The following CCSER1 variants were observed in gnomAD, a reference collection of about 807,000 sequenced individuals.
CCSER1 encodes the protein coiled-coil serine rich protein 1.
In CCSER1, 41 loss-of-function variants were observed where a neutral mutation model predicts 82.0. The observed-to-expected ratio is 0.50, with a 90% CI of 0.39 to 0.65. CCSER1 has a LOEUF of 0.65. CCSER1 is among the 30% of genes least tolerant of loss of function. CCSER1 has a pLI of 0.00. For missense variants in CCSER1, 1,119 were observed against 1,064.2 expected (o/e 1.05, Z -0.72); for synonymous variants, 414 against 383.9 (o/e 1.08, Z -0.92).
intron 9 of CCSER1, among the ~76,000 whole-genome samples, chr4:91,033,536 A>G (rs1741168091): frequency 6.6e-6 from 1 of 152,116 alleles, no homozygotes; most frequent in South Asian, 2.1e-4. Context: ...AACTTCTTGG[A>G]AAGATGAAGA....
chr4:90,622,808 T>C (rs1196442988), intron 5 of CCSER1, among the ~76,000 whole-genome samples: 3 of 151,958 alleles, frequency 2.0e-5, no homozygotes, highest in Non-Finnish European at 4.4e-5. Flanking sequence ...GGTCAAATGG[T>C]ATTTCTAGTT....
intron 10 of CCSER1, among the ~76,000 whole-genome samples, chr4:91,527,423 C>G (rs921202988): frequency 6.6e-6 from 1 of 152,072 alleles, no homozygotes; most frequent in South Asian, 2.1e-4. Flanking sequence ...TTGGATGAAG[C>G]AATTTTGTTA....
intron 6 of CCSER1, among the ~76,000 whole-genome samples, chr4:90,715,994 C>T (rs1214536686): frequency 1.3e-5 from 2 of 151,320 alleles, no homozygotes; most frequent in Admixed American, 6.6e-5. Context: ...GATATACAGT[C>T]ATAACAAATA....
chr4:90,580,474 C>A (rs1253449404), intron 5 of CCSER1, among the ~76,000 whole-genome samples: 1 of 152,178 alleles, frequency 6.6e-6, no homozygotes, highest in Admixed American at 6.5e-5. Context: ...CTCCCCTACC[C>A]TCAAGAGCAA....
At chr4:91,555,547 A>G (rs1720570361) in intron 10 of CCSER1, among the ~76,000 whole-genome samples, 1 of 151,078 alleles carries the variant, frequency 6.6e-6, no homozygotes, top group East Asian at 1.9e-4. Context: ...CAGTGAGGAT[A>G]TATAATTTAT....
chr4:90,160,046 T>C (rs534728277), intron 1 of CCSER1, among the ~76,000 whole-genome samples: 75 of 152,218 alleles, frequency 4.9e-4, no homozygotes, highest in Non-Finnish European at 9.0e-4. Context: ...TTTTACAGAT[T>C]GGAAAATTTA....
intron 10 of CCSER1, among the ~76,000 whole-genome samples, chr4:91,553,897 CAT>C (rs1762286645): frequency 6.7e-6 from 1 of 150,294 alleles, no homozygotes; most frequent in African/African-American, 2.4e-5. Context: ...TCTTGTGTCT[CAT>C]ATATTCTCTA....
intron 5 of CCSER1, among the ~76,000 whole-genome samples, chr4:90,555,084 T>C (rs1777956022): frequency 6.6e-6 from 1 of 152,188 alleles, no homozygotes; most frequent in South Asian, 2.1e-4. Flanking sequence ...AATGCATTTT[T>C]TGCTCAAAAA....
chr4:91,411,226 C>A (rs746265897), intron 10 of CCSER1, among the ~76,000 whole-genome samples: 31 of 151,396 alleles, frequency 2.0e-4, no homozygotes, highest in Non-Finnish European at 4.4e-4. Context: ...TTATTAAGTC[C>A]TCAGTGTTAT....
chr4:91,181,677 G>GA (rs1212054331), intron 10 of CCSER1, among the ~76,000 whole-genome samples: 2 of 152,130 alleles, frequency 1.3e-5, no homozygotes, highest in Non-Finnish European at 2.9e-5. Flanking sequence ...CCCCTTAGGG[G>GA]ACCAATTAAT....
intron 1 of CCSER1, among the ~76,000 whole-genome samples, chr4:90,195,756 A>T (rs1024998277): frequency 6.6e-6 from 1 of 152,254 alleles, no homozygotes. Flanking sequence ...GTCAACAAAG[A>T]GATAATTCTC....
intron 1 of CCSER1, among the ~76,000 whole-genome samples, chr4:90,276,952 G>A (rs1429663660): frequency 2.0e-5 from 3 of 152,058 alleles, no homozygotes; most frequent in African/African-American, 7.2e-5. Flanking sequence ...CATTGGTTTT[G>A]CATCCTGAAA....
At chr4:90,254,949 A>G (rs560153974) in intron 1 of CCSER1, among the ~76,000 whole-genome samples, 1 of 151,348 alleles carries the variant, frequency 6.6e-6, no homozygotes, top group Non-Finnish European at 1.5e-5. Flanking sequence ...TTAAAAGTAT[A>G]TGTTGATATA....
intron 10 of CCSER1, among the ~76,000 whole-genome samples, chr4:91,111,804 G>A (rs868867507): frequency 6.9e-6 from 1 of 145,200 alleles, no homozygotes; most frequent in Non-Finnish European, 1.5e-5. Context: ...ACTGTATCAG[G>A]AGAAAGGAAA....
At chr4:91,476,848 G>T (rs1341341138) in intron 10 of CCSER1, among the ~76,000 whole-genome samples, 2 of 151,620 alleles carry the variant, frequency 1.3e-5, no homozygotes, top group Non-Finnish European at 3.0e-5. Flanking sequence ...ATGCTGGGAT[G>T]TCTGGATATT....
At chr4:90,923,566 A>G (rs1728684742) in intron 9 of CCSER1, 119 bp downstream of exon 9, 1 of 665,120 alleles carries the variant, frequency 1.5e-6, no homozygotes, top group African/African-American at 1.8e-5. Flanking sequence ...GCGGTGCACC[A>G]TTCATCTTTT....
chr4:90,866,883 A>G lies in CCSER1; in HGVS notation c.2094+51038A>G, dbSNP rs1765791725. ...TAAATCCCTTGTATATCCAGTTCAC[A>G]GTAGGATTCACACCCCCATGAGACT... On this transcript the variant is annotated intron_variant, in intron 8 of 10. Coordinates refer to ENST00000509176, the MANE Select transcript of CCSER1 (RefSeq NM_001145065.2). 2.0e-5 allele frequency among the ~76,000 whole-genome samples: 3 copies of G among 152,006 alleles called. No homozygotes were observed. In the South Asian group the frequency reaches 6.2e-4, roughly 31 times the overall value.
At chr4:90,299,582 C>T (rs958899716) in intron 1 of CCSER1, among the ~76,000 whole-genome samples, 1 of 152,090 alleles carries the variant, frequency 6.6e-6, no homozygotes, top group African/African-American at 2.4e-5. Context: ...TCATATTCTC[C>T]TCACTGACCT....
intron 4 of CCSER1, among the ~76,000 whole-genome samples, chr4:90,447,796 T>A (rs745536301): frequency 9.2e-5 from 14 of 152,178 alleles, no homozygotes; most frequent in Non-Finnish European, 1.9e-4. Context: ...GAAAATTAGA[T>A]ATATTTTTGG....
Sources: gnomAD v4.1 joint callset for allele counts (sites outside exome capture counted in the v4.1 genomes callset) on GRCh38, gnomAD v4.1.1 for gene constraint, MANE v1.5 for transcripts, NCBI Gene and HGNC (gene_info 2026-07-23, HGNC 2026-07-21) for gene names.